CLUAP1: variants seen among roughly 807,000 people sequenced by gnomAD.
CLUAP1 encodes intraflagellar transport 38.
A neutral mutation model predicts 55.0 loss-of-function variants in CLUAP1; 50 were observed. The ratio of observed to expected loss-of-function variants is 0.91; its 90% CI spans 0.72 to 1.15. The LOEUF is 1.15. Ranked by LOEUF, CLUAP1 falls within the 50% of genes most tolerant of loss-of-function variation. The pLI is 0.00. For missense variants in CLUAP1, 530 were observed against 507.6 expected, an observed-to-expected ratio of 1.04 and a Z score of -0.42; for synonymous variants, 195 against 175.4, an observed-to-expected ratio of 1.11 and a Z score of -0.88.
intron 6 of CLUAP1, among the ~76,000 whole-genome samples, chr16:3,517,735 A>T (rs1294277862): frequency 2.0e-5 from 3 of 152,194 alleles, no homozygotes; most frequent in Non-Finnish European, 4.4e-5. Context: ...AAAATCATGC[A>T]CGCCTGGTAG....
chr16:3,514,644 C>T (rs1055326459), intron 5 of CLUAP1, among the ~76,000 whole-genome samples: 4 of 152,190 alleles, frequency 2.6e-5, no homozygotes, highest in African/African-American at 4.8e-5. Context: ...TTGGGAAGTT[C>T]TAGATGAAAG....
At chr16:3,506,547 C>T (rs1174449645) in intron 3 of CLUAP1, 132 bp downstream of exon 3, 13 of 717,830 alleles carry the variant, frequency 1.8e-5, no homozygotes, top group Admixed American at 4.7e-5. Flanking sequence ...CTCATTCTCT[C>T]GCCCAGGCCG....
chr16:3,508,839 G>C (rs1320555198), intron 4 of CLUAP1, among the ~76,000 whole-genome samples: 1 of 152,114 alleles, frequency 6.6e-6, no homozygotes, highest in East Asian at 1.9e-4. Flanking sequence ...ATGCTGCCCA[G>C]AGTGATCTTA....
At chr16:3,532,403 C>CTTTTTTTTTTTTTTT (rs58037008) in intron 10 of CLUAP1, among the ~76,000 whole-genome samples, 1 of 50,728 alleles carries the variant, frequency 2.0e-5, no homozygotes, top group Non-Finnish European at 3.5e-5. Context: ...AGCACAGTTG[C>CTTTTTTTTTTTTTTT]TTTTTTTTTT....
At chr16:3,525,214 A>T (rs1210587738) in intron 8 of CLUAP1, among the ~76,000 whole-genome samples, 2 of 152,198 alleles carry the variant, frequency 1.3e-5, no homozygotes, top group Non-Finnish European at 2.9e-5. Flanking sequence ...CATTTTAAAC[A>T]TTGGGTACCT....
At chr16:3,504,693 G>T in intron 1 of CLUAP1, 27 bp from the exon 2 acceptor site, 1 of 1,278,002 alleles carries the variant, frequency 7.8e-7, no homozygotes, top group South Asian at 1.2e-5. Flanking sequence ...ATGGGGAACT[G>T]AATGAATTGT....
At chr16:3,499,095 T>C (rs2037341206), upstream of CLUAP1, among the ~76,000 whole-genome samples, 1 of 152,278 alleles carries the variant, frequency 6.6e-6, no homozygotes, top group Non-Finnish European at 1.5e-5. Flanking sequence ...ATCAAACACG[T>C]AAAAAGATGT....
intron 4 of CLUAP1, among the ~76,000 whole-genome samples, 154 bp from the exon 5 acceptor site, chr16:3,512,229 G>C (rs541979739): frequency 6.6e-6 from 1 of 151,836 alleles, no homozygotes; most frequent in South Asian, 2.1e-4. Flanking sequence ...GAACATGGTG[G>C]TTCTGCCTAT....
chr16:3,504,919 G>A (rs1229897829), intron 2 of CLUAP1, 88 bp downstream of exon 2: 7 of 841,172 alleles, frequency 8.3e-6, no homozygotes, highest in South Asian at 1.4e-5. Flanking sequence ...CTGTGATGCT[G>A]CAAAAGGGAA....
At chr16:3,497,022 C>T (rs989913271), upstream of CLUAP1, among the ~76,000 whole-genome samples, 11 of 151,966 alleles carry the variant, frequency 7.2e-5, no homozygotes, top group Admixed American at 6.6e-4. Context: ...AGGCACCCAC[C>T]ACCACGCCCA....
In CLUAP1 at chr16:3,504,788, A is replaced by T. The variant is rs747102144; in HGVS notation, c.91A>T (p.Asn31Tyr). The change falls in exon 2 of 12, where the codon AAT becomes TAT. Residue 31 changes from asparagine to tyrosine, a missense_variant. Coordinates refer to ENST00000576634, the MANE Select transcript of CLUAP1 (RefSeq NM_015041.3). ...HISMENFRTP[N>Y]FGLVSEVLLW... ...TTCTATGGAAAATTTCCGTACACCCAATTTTGGACTTGTATCTGAAGTGCT... is the reference window on the plus strand; with the variant it reads ...TTCTATGGAAAATTTCCGTACACCCTATTTTGGACTTGTATCTGAAGTGCT... 1 of 1,613,350 alleles carries T rather than the reference A, an allele frequency of 6.2e-7. No homozygotes were observed. The highest frequency in any genetic ancestry group is 1.1e-5 in the South Asian group (1 of 91,068).
At chr16:3,534,458 G>C (rs1006385704) in intron 11 of CLUAP1, 2 of 152,796 alleles carry the variant, frequency 1.3e-5, no homozygotes, top group Non-Finnish European at 2.9e-5. Context: ...GTGAGATGAA[G>C]ACTCTGTTTT....
chr16:3,504,600 A>G (rs988854878), intron 1 of CLUAP1, 120 bp from the exon 2 acceptor site: 14 of 630,294 alleles, frequency 2.2e-5, no homozygotes, highest in African/African-American at 7.3e-5. Flanking sequence ...AAAGTTGACA[A>G]ATAGTCCCTA....
chr16:3,523,502 A>G (rs2037879749), intron 8 of CLUAP1, among the ~76,000 whole-genome samples: 1 of 152,196 alleles, frequency 6.6e-6, no homozygotes, highest in Non-Finnish European at 1.5e-5. Flanking sequence ...CTTTGATGTC[A>G]TATTTCATCA....
chr16:3,510,438 CAT>C (rs990043108), intron 4 of CLUAP1, among the ~76,000 whole-genome samples: 5 of 152,288 alleles, frequency 3.3e-5, no homozygotes, highest in African/African-American at 9.6e-5. Context: ...CCTGTCCTCA[CAT>C]GTGGGTTTTT....
At chr16:3,531,874 C>T (rs1021875484) in intron 10 of CLUAP1, among the ~76,000 whole-genome samples, 6 of 151,170 alleles carry the variant, frequency 4.0e-5, no homozygotes, top group South Asian at 4.2e-4. Flanking sequence ...GACAAAGTCT[C>T]GCTCTTGGTC....
Position 3,536,540 on chromosome 16 carries a change from C to A in CLUAP1, c.*269C>A. On this transcript the variant is annotated 3_prime_UTR_variant, in exon 12 of 12. Transcript: ENST00000576634. ...TGCATGTGTTCTTAGTGATTCACAT[C>A]CACGGGACAAAAACTCAAGAAGAAA... The A allele has an allele frequency of 3.4e-6, 1 of 291,064 alleles. No homozygotes were observed. The highest frequency in any genetic ancestry group is 6.4e-6 in the Non-Finnish European group (1 of 156,090). The allele number at this position is 291,064 out of a possible 1,614,324, so 18.0% of individuals were successfully genotyped here. A position where few individuals can be genotyped will look rare whatever the true frequency, so the allele number is the denominator to read the frequency against.
At chr16:3,519,556 C>T (rs1185916806) in intron 6 of CLUAP1, among the ~76,000 whole-genome samples, 1 of 152,154 alleles carries the variant, frequency 6.6e-6, no homozygotes, top group Non-Finnish European at 1.5e-5. Flanking sequence ...GCAGACTGAC[C>T]GTCCAGAGTG....
Position 3,502,653 on chromosome 16 carries a change from A to C in CLUAP1, c.22+1564A>C, listed in dbSNP as rs79119890. Among the ~76,000 whole-genome samples, 350 of 152,220 alleles carry C rather than the reference A, an allele frequency of 2.3e-3. 5 individuals are homozygous for C. The highest frequency in any genetic ancestry group is 7.6e-3 in the African/African-American group (317 of 41,506). ...TTTATCCATGCAGCCACTGAGCACC[A>C]GAGTGTGAATCCTGCCCTCTGGGGT... On this transcript the variant is annotated intron_variant, in intron 1 of 11. Transcript: ENST00000576634.
Sources: allele counts gnomAD v4.1 joint callset (sites outside exome capture counted in the v4.1 genomes callset), GRCh38; gene constraint gnomAD v4.1.1; transcripts MANE v1.5; gene names NCBI Gene and HGNC (gene_info 2026-07-23, HGNC 2026-07-21).